The following CHD7 variants were observed in gnomAD, a reference collection of about 807,000 sequenced individuals.
The protein encoded by CHD7 is ATP-dependent chromatin remodeler CHD7.
Under a neutral mutation model 307.3 loss-of-function variants are expected in CHD7, and 24 were observed. The ratio of observed to expected loss-of-function variants is 0.08; its 90% CI spans 0.06 to 0.11. CHD7 has a LOEUF of 0.11. CHD7 is among the 10% of genes least tolerant of loss of function. CHD7 has a pLI of 1.00. For missense variants in CHD7, 3,106 were observed against 3,727.1 expected (o/e 0.83, Z 4.34); for synonymous variants, 1,363 against 1,349.9 (o/e 1.01, Z -0.21).
chr8:60,764,225 G>A (rs1281780480), intron 2 of CHD7, among the ~76,000 whole-genome samples: 2 of 152,056 alleles, frequency 1.3e-5, no homozygotes, highest in East Asian at 1.9e-4. Context: ...TCCTGACCTC[G>A]TGATCCGCCC....
At chr8:60,833,189 A>G (rs1321399411) in intron 15 of CHD7, among the ~76,000 whole-genome samples, 4 of 152,256 alleles carry the variant, frequency 2.6e-5, no homozygotes, top group Admixed American at 2.6e-4. Flanking sequence ...GTGGCAGAGT[A>G]AAGAAGCCTC....
chr8:60,688,538 T>TA (rs1263064005), intron 1 of CHD7, among the ~76,000 whole-genome samples: 1 of 152,222 alleles, frequency 6.6e-6, no homozygotes, highest in East Asian at 1.9e-4. Flanking sequence ...ATAACATCTT[T>TA]ATGTCCTTTG....
At chr8:60,800,618 G>T in intron 5 of CHD7, 93 bp downstream of exon 5, 1 of 1,258,740 alleles carries the variant, frequency 7.9e-7, no homozygotes, top group Non-Finnish European at 1.1e-6. Context: ...GGAAGCATTG[G>T]ACTTTCAGCA....
rs375778892 is a variant in CHD7 at position 60,723,741 on chromosome 8, C to CT, written c.-174-17515dup. ...TATTTGGAGTTGCTTCAAGTTATGA[C>CT]TTTAAGTTTACTCCATAGATTGTGT... On this transcript the variant is annotated intron_variant, in intron 1 of 37. Transcript: ENST00000423902. 1.6e-4 allele frequency among the ~76,000 whole-genome samples: 25 copies of CT among 152,302 alleles called. No individual in the cohort carries two copies. The East Asian group carries it at 4.0e-3, about 25-fold the overall frequency.
intron 1 of CHD7, among the ~76,000 whole-genome samples, chr8:60,694,557 C>T (rs1335326147): frequency 1.3e-5 from 2 of 152,236 alleles, no homozygotes; most frequent in African/African-American, 2.4e-5. Flanking sequence ...AAAAAAATCA[C>T]GGAGAGGCTG....
In CHD7 at chr8:60,865,183, C is replaced by T; in HGVS notation, c.8244C>T (p.Ser2748=). 6.2e-7 allele frequency: 1 copy of T among 1,612,042 alleles called. No individual in the cohort carries two copies. Among genetic ancestry groups the T allele is most frequent in the African/African-American group, 1.3e-5 (1 of 75,022 alleles). Residue 2748 remains serine (S), a synonymous_variant, in exon 38 of 38, where the codon AGC becomes AGT. Coordinates refer to ENST00000423902, the MANE Select transcript of CHD7 (RefSeq NM_017780.4). The surrounding 1 kb of genome is among the most constrained non-coding windows in gnomAD (Gnocchi z 4.3). ...GGATCAACCCTTTGCTGGTGAACAGCCTGTTTGCTGGAATGGACCTGACGA... is the reference window on the plus strand; with the variant it reads ...GGATCAACCCTTTGCTGGTGAACAGTCTGTTTGCTGGAATGGACCTGACGA... ...TSGINPLLVN[S]LFAGMDLTSL... is the part of the protein sequence containing the mutation.
intron 4 of CHD7, among the ~76,000 whole-genome samples, chr8:60,795,582 TATAGTC>T (rs1255030608): frequency 1.3e-5 from 2 of 152,232 alleles, no homozygotes; most frequent in East Asian, 3.8e-4. Flanking sequence ...AAAGTTGAGA[TATAGTC>T]ATGTAATCTA....
chr8:60,836,787 G>C, intron 16 of CHD7, 30 bp from the exon 17 acceptor site: 1 of 1,569,036 alleles, frequency 6.4e-7, no homozygotes, highest in East Asian at 2.3e-5. Context: ...CTATGCGTCA[G>C]GCCTCCTTGT....
intron 35 of CHD7, 99 bp from the exon 36 acceptor site, chr8:60,862,097 A>T: frequency 3.3e-6 from 3 of 903,922 alleles, no homozygotes. Flanking sequence ...TGAAACTTCC[A>T]TAATAATTGA....
At chr8:60,689,661 A>G (rs1806097768) in intron 1 of CHD7, among the ~76,000 whole-genome samples, 1 of 152,200 alleles carries the variant, frequency 6.6e-6, no homozygotes, top group Non-Finnish European at 1.5e-5. Context: ...CAGCTCCTGG[A>G]GAAAAATCGA....
At chr8:60,697,417 C>T (rs1199841983) in intron 1 of CHD7, among the ~76,000 whole-genome samples, 3 of 152,150 alleles carry the variant, frequency 2.0e-5, no homozygotes, top group Non-Finnish European at 4.4e-5. Context: ...TACCCTCAAA[C>T]ATTATTATAT....
At chr8:60,856,251 C>A (rs749457066) in intron 33 of CHD7, 49 bp downstream of exon 33, 6 of 1,423,156 alleles carry the variant, frequency 4.2e-6, no homozygotes, top group African/African-American at 1.4e-5. Context: ...GCTCTCTAAG[C>A]CTTAACTGAG....
Position 60,823,829 on chromosome 8 carries a change from T to A in CHD7, c.3202-11T>A. 6.2e-7 allele frequency: 1 copy of A among 1,609,068 alleles called. No homozygotes were observed. Among genetic ancestry groups the A allele is most frequent in the Non-Finnish European group, 8.5e-7 (1 of 1,175,606 alleles). On this transcript the variant is annotated splice_polypyrimidine_tract_variant and intron_variant, in intron 12 of 37. Transcript: ENST00000423902. ...TTAATGCTTAATAATAATTCAGAGT[T>A]GTTCTTATAGGGTCGAGTGATAAAG...
intron 15 of CHD7, among the ~76,000 whole-genome samples, chr8:60,834,761 A>C (rs755686053): frequency 2.6e-5 from 4 of 152,238 alleles, no homozygotes; most frequent in Admixed American, 6.5e-5. Flanking sequence ...AATAATTAAT[A>C]GGCTGTATTT....
At chr8:60,691,081 A>T (rs1013943451) in intron 1 of CHD7, among the ~76,000 whole-genome samples, 7 of 151,056 alleles carry the variant, frequency 4.6e-5, no homozygotes, top group Admixed American at 3.9e-4. Flanking sequence ...GTGTGCCACC[A>T]CTCCTGGCTA....
rs990589419 is a variant in CHD7 at position 60,865,689 on chromosome 8, C to G, written c.8750C>G (p.Thr2917Arg). The change falls in exon 38 of 38, where the codon ACG (threonine) becomes AGG (arginine). Residue 2917 changes from threonine to arginine, a missense_variant. By Grantham distance (71) the Thr-to-Arg change is moderately conservative. Transcript: ENST00000423902. This position sits in a 1 kb window ranked among gnomAD's most constrained non-coding sequence, Gnocchi z 4.3. ...CTACCTCCAGGACTGGGGGGATTGA[C>G]GCTGCCTGGGTTCCCAGCATTGGCA... is the stretch of plus-strand genomic sequence containing the variant. ...MFLPPGLGGL[T>R]LPGFPALAGL... is the part of the protein sequence containing the mutation. The G allele has an allele frequency of 6.2e-7, 1 of 1,605,420 alleles. No individual in the cohort carries two copies. Among genetic ancestry groups the G allele is most frequent in the South Asian group, 1.1e-5 (1 of 90,450 alleles).
At chr8:60,683,386 A>T (rs1271989408) in intron 1 of CHD7, among the ~76,000 whole-genome samples, 2 of 152,220 alleles carry the variant, frequency 1.3e-5, no homozygotes, top group Non-Finnish European at 2.9e-5. Context: ...ATAGCTGATT[A>T]TGGTGGTTGT....
At chr8:60,700,820 C>A (rs1189893947) in intron 1 of CHD7, among the ~76,000 whole-genome samples, 1 of 152,202 alleles carries the variant, frequency 6.6e-6, no homozygotes, top group African/African-American at 2.4e-5. Context: ...GGGCCCAGTG[C>A]CGGACACACA....
At chr8:60,805,181 A>C (rs936553012) in intron 6 of CHD7, among the ~76,000 whole-genome samples, 4 of 152,206 alleles carry the variant, frequency 2.6e-5, no homozygotes, top group African/African-American at 9.6e-5. Flanking sequence ...ACTGCCTCCC[A>C]TTTAGTAAAT....
Sources: gnomAD v4.1 joint callset for allele counts (sites outside exome capture counted in the v4.1 genomes callset) on GRCh38, gnomAD v4.1.1 for gene constraint, Gnocchi (gnomAD v3.1) non-coding constraint, MANE v1.5 for transcripts, NCBI Gene and HGNC (gene_info 2026-07-23, HGNC 2026-07-21) for gene names.